Variants in NCOR2 observed in about 807,000 individuals in gnomAD.
NCOR2 encodes CTG repeat protein 26.
NCOR2 carries 81 observed loss-of-function variants against 262.9 expected under a neutral mutation model. That is an observed-to-expected ratio of 0.31 (90% confidence interval 0.26 to 0.37). The LOEUF is 0.37. NCOR2 is among the 10% of genes least tolerant of loss of function. The pLI is 1.00. For missense variants in NCOR2, 3,385 were observed against 3,621.4 expected, an observed-to-expected ratio of 0.93 and a Z score of 1.68; for synonymous variants, 1,659 against 1,559.3, an observed-to-expected ratio of 1.06 and a Z score of -1.51.
intron 38 of NCOR2, 97 bp downstream of exon 40, chr12:124,336,656 T>C: frequency 7.9e-6 from 12 of 1,522,644 alleles, no homozygotes; most frequent in South Asian, 5.1e-5. Context: ...AGGGGAGCCG[T>C]TGGCCAGCGC....
rs2047511721 is a variant in NCOR2, at chr12:124,481,892, G to A, written c.411+1704C>T. 6.6e-6 allele frequency among the ~76,000 whole-genome samples: 1 copy of A among 152,124 alleles called. No individual in the cohort carries two copies. Among genetic ancestry groups the A allele is most frequent in the Non-Finnish European group, 1.5e-5 (1 of 68,018 alleles). On this transcript the variant is annotated intron_variant, in intron 3 of 46. Transcript: ENST00000405201. The surrounding 1 kb of genome is among the most constrained non-coding windows in gnomAD (Gnocchi z 4.6). ...GAGGCAGGAGCAGGGAGACCCAGGA[G>A]GAGGCTACTGCAAAGTTACTGGAGA...
intron 1 of NCOR2, among the ~76,000 whole-genome samples, chr12:124,562,503 G>A (rs1290531201): frequency 7.2e-5 from 11 of 152,188 alleles, no homozygotes; most frequent in Admixed American, 7.2e-4. Flanking sequence ...CCCTCCCCCA[G>A]GGGGCCTCCC....
Position 124,364,882 on chromosome 12 carries a change from G to A in NCOR2, c.2808-1083C>T, listed in dbSNP as rs117966456. Among the ~76,000 whole-genome samples, 113 of 152,204 alleles carry A rather than the reference G, an allele frequency of 7.4e-4. 1 individual carries two copies. The East Asian group carries it at 0.012, about 16-fold the overall frequency. On this transcript the variant is annotated intron_variant, in intron 20 of 46. Transcript: ENST00000405201. ...GCATTTGGATGTATGGAGGCAGCCCGGCCTGCATTTGGGGGTATGGAGGCA... is the reference window on the plus strand; with the variant it reads ...GCATTTGGATGTATGGAGGCAGCCCAGCCTGCATTTGGGGGTATGGAGGCA...
intron 13 of NCOR2, among the ~76,000 whole-genome samples, chr12:124,416,040 C>T (rs967382452): frequency 1.3e-4 from 20 of 152,218 alleles, no homozygotes; most frequent in African/African-American, 4.8e-4. Context: ...AACTGGATTT[C>T]CAGCTCGTCA....
chr12:124,552,650 G>C (rs549464264), intron 1 of NCOR2, among the ~76,000 whole-genome samples: 61 of 152,262 alleles, frequency 4.0e-4, no homozygotes, highest in African/African-American at 1.4e-3. Flanking sequence ...CCACAAACTC[G>C]GTGACTTAAA....
In NCOR2 at chr12:124,362,859, A is replaced by C. The variant is rs56700252; in HGVS notation, c.2929-562T>G. On this transcript the variant is annotated intron_variant, in intron 21 of 46. Coordinates refer to ENST00000405201, the Ensembl canonical transcript of NCOR2. ...CTGGCCCAGCTGCCTGGTGATGGACAGGGGGAGTTCACCTCCTAAAAAGCC... is the reference window on the plus strand; with the variant it reads ...CTGGCCCAGCTGCCTGGTGATGGACCGGGGGAGTTCACCTCCTAAAAAGCC... 1.0e-3 allele frequency among the ~76,000 whole-genome samples: 151 copies of C among 150,738 alleles called. 1 individual carries two copies. In the East Asian group the frequency reaches 0.025, roughly 25 times the overall value.
At chr12:124,335,666 G>C (rs759651136) in intron 38 of NCOR2, 34 bp from the exon 41 acceptor site, 40 of 1,569,204 alleles carry the variant, frequency 2.5e-5, no homozygotes, top group Non-Finnish European at 3.4e-5. Flanking sequence ...GTCAGGCACC[G>C]GGCCCAGGGT....
rs749361594 is a variant in NCOR2, at chr12:124,326,366, G to A, written c.7188C>T (p.Gly2396=). 2.4e-5 allele frequency: 36 copies of A among 1,488,928 alleles called. No homozygotes were observed. In the African/African-American group the frequency reaches 3.9e-4, roughly 16 times the overall value. The allele number at this position is 1,488,928 out of a possible 1,614,324, so 92.2% of individuals were successfully genotyped here. ...TGCCAGAGACCTTGGCCTTCCCGCC[G>A]CCACCTGCAGGGGGACAAGATGGGA... The change falls in exon 46 of 47, where the codon GGC becomes GGT. Residue 2396 remains glycine, a synonymous_variant. Transcript: ENST00000405201.
intron 1 of NCOR2, among the ~76,000 whole-genome samples, chr12:124,493,308 C>A (rs1243998331): frequency 6.6e-6 from 1 of 152,194 alleles, no homozygotes; most frequent in Admixed American, 6.5e-5. Context: ...CAGAAGCCAG[C>A]AGCACCCCCA....
At position 124,481,879 on chromosome 12, in the gene NCOR2, G is replaced by C. The variant is rs2047511052; in HGVS notation, c.411+1717C>G. Among the ~76,000 whole-genome samples the C allele has an allele frequency of 6.6e-6, 1 of 152,122 alleles. No homozygotes were observed. The highest frequency in any genetic ancestry group is 1.5e-5 in the Non-Finnish European group (1 of 68,008). ...AAGGGAGTAGAGGGAGGCAGGAGCA[G>C]GGAGACCCAGGAGGAGGCTACTGCA... On this transcript the variant is annotated intron_variant, in intron 3 of 46. Transcript: ENST00000405201. This position sits in a 1 kb window ranked among gnomAD's most constrained non-coding sequence, Gnocchi z 4.6.
exon 9 of NCOR2, chr12:124,430,739 T>G: frequency 6.2e-7 from 1 of 1,614,076 alleles, no homozygotes; most frequent in Non-Finnish European, 8.5e-7. Context: ...TCCACCTTCT[T>G]CTCCCAGGCC....
chr12:124,356,667 G>C (rs749788720), exon 23 of NCOR2: 1 of 1,455,680 alleles, frequency 6.9e-7, no homozygotes, highest in Non-Finnish European at 9.0e-7. Flanking sequence ...AGAAGGCTGA[G>C]GGGTCCGGGG....
intron 25 of NCOR2, 36 bp downstream of exon 27, chr12:124,354,801 C>T (rs776261936): frequency 1.9e-6 from 3 of 1,594,550 alleles, no homozygotes; most frequent in Non-Finnish European, 2.6e-6. Flanking sequence ...CAGAGCCCAG[C>T]CTGAGCCACC....
intron 1 of NCOR2, among the ~76,000 whole-genome samples, chr12:124,524,141 G>A (rs1216292202): frequency 6.6e-6 from 1 of 152,174 alleles, no homozygotes; most frequent in Non-Finnish European, 1.5e-5. Context: ...CTATAAAATG[G>A]TGACAGCCAG....
Position 124,385,927 on chromosome 12 carries a change from C to T in NCOR2, c.1877-40G>A, listed in dbSNP as rs370605513. On this transcript the variant is annotated intron_variant, in intron 16 of 46. Transcript: ENST00000405201. ...GAGGGCAGTGAGAAGAGGCCAGGCC[C>T]GGCACGCAGAGGGGGCCTGCATCCA... The T allele has an allele frequency of 1.8e-4, 292 of 1,598,344 alleles. 1 individual carries two copies. The highest frequency in any genetic ancestry group is 3.3e-4 in the Middle Eastern group (2 of 6,030).
chr12:124,325,392 C>CCCCCCGGGTG, exon 47 of NCOR2: 1 of 1,152,270 alleles, frequency 8.7e-7, no homozygotes, highest in Non-Finnish European at 1.1e-6. Flanking sequence ...CCCCCCCGCC[C>CCCCCCGGGTG]TGTTCTGAGT....
At position 124,355,063 on chromosome 12, in the gene NCOR2, T is replaced by C; in HGVS notation, c.3382-124A>G. 7.5e-6 allele frequency: 6 copies of C among 794,992 alleles called. No homozygotes were observed. In the South Asian group the frequency reaches 8.4e-5, roughly 11 times the overall value. 49.2% of individuals were successfully genotyped at this position (794,992 alleles called of 1,614,324 possible). A position where few individuals can be genotyped will look rare whatever the true frequency, so the allele number is the denominator to read the frequency against. ...AGAGGCTGGGGCTGCTGTCCAGCTGTGTGACGGCAGACAAGTCACTGCTAC... is the reference window on the plus strand; with the variant it reads ...AGAGGCTGGGGCTGCTGTCCAGCTGCGTGACGGCAGACAAGTCACTGCTAC... On this transcript the variant is annotated intron_variant, in intron 24 of 46. Transcript: ENST00000405201.
Position 124,455,215 on chromosome 12 carries a change from T to G in NCOR2, c.762+1891A>C, listed in dbSNP as rs577984921. ...CTAAAACCCACTGAACTGGACACTT[T>G]GAGTGAATGGCATGCGTGTGAATTG... On this transcript the variant is annotated intron_variant, in intron 6 of 46. Coordinates refer to ENST00000405201, the Ensembl canonical transcript of NCOR2. 2.0e-5 allele frequency among the ~76,000 whole-genome samples: 3 copies of G among 152,322 alleles called. No homozygotes were observed. The South Asian group carries it at 6.2e-4, about 32-fold the overall frequency.
rs1363226819 is a variant in NCOR2, at chr12:124,389,448, G to A, written c.1877-3561C>T. Among the ~76,000 whole-genome samples, 8 of 151,456 alleles carry A rather than the reference G, an allele frequency of 5.3e-5. 1 individual carries two copies. The East Asian group carries it at 1.2e-3, about 22-fold the overall frequency. On this transcript the variant is annotated intron_variant, in intron 16 of 46. Coordinates refer to ENST00000405201, the Ensembl canonical transcript of NCOR2. The surrounding 1 kb of genome is among the most constrained non-coding windows in gnomAD (Gnocchi z 4.4). Reference sequence around the variant, plus strand: ...GCTCCCCCTCCCTCTCTCCCCATCCGCGGCGGTGGCGGCGTCAGCAGTGGT... The same window carrying A: ...GCTCCCCCTCCCTCTCTCCCCATCCACGGCGGTGGCGGCGTCAGCAGTGGT...
Sources: allele counts gnomAD v4.1 joint callset (sites outside exome capture counted in the v4.1 genomes callset), GRCh38; gene constraint gnomAD v4.1.1; non-coding constraint Gnocchi (gnomAD v3.1); transcripts MANE v1.5; gene names NCBI Gene and HGNC (gene_info 2026-07-23, HGNC 2026-07-21).